GNA12: variants seen among roughly 807,000 people sequenced by gnomAD.
GNA12 encodes guanine nucleotide-binding protein subunit alpha-12.
GNA12 carries 9 observed loss-of-function variants against 26.0 expected under a neutral mutation model. The observed-to-expected ratio is 0.35, with a 90% CI of 0.21 to 0.60. The LOEUF (loss-of-function observed/expected upper bound fraction) is 0.60. GNA12 is among the 20% of genes least tolerant of loss of function. The probability of loss-of-function intolerance (pLI) is 0.78; values close to 1 mark genes in which losing one functional copy is unlikely to be tolerated. For synonymous variants in GNA12, 264 were observed against 219.6 expected (o/e 1.20, Z -1.79); for missense variants, 405 against 525.8 (o/e 0.77, Z 2.25).
In GNA12 at chr7:2,753,369, T is replaced by C. The variant is rs913020208; in HGVS notation, c.526-19868A>G. On this transcript the variant is annotated intron_variant, in intron 2 of 3. Coordinates refer to ENST00000275364, the MANE Select transcript of GNA12 (RefSeq NM_007353.3). ...TCTTGCTATGTTGTCCAGGCTGGTC[T>C]TAAACTACTGGGCTCAAGCCATCCT... 5.0e-4 allele frequency among the ~76,000 whole-genome samples: 72 copies of C among 145,236 alleles called. 1 individual carries two copies. The highest frequency in any genetic ancestry group is 2.0e-4 in the Non-Finnish European group (13 of 65,260).
At chr7:2,777,603 TTC>T (rs973529356) in intron 2 of GNA12, among the ~76,000 whole-genome samples, 1 of 152,044 alleles carries the variant, frequency 6.6e-6, no homozygotes, top group African/African-American at 2.4e-5. Flanking sequence ...ACATCAGAGC[TTC>T]TCTCTCTCTC....
intron 2 of GNA12, among the ~76,000 whole-genome samples, chr7:2,737,959 C>T (rs1490484709): frequency 2.6e-5 from 4 of 152,156 alleles, no homozygotes; most frequent in Non-Finnish European, 4.4e-5. Flanking sequence ...GCTCAGTGAA[C>T]GCCTGTGACA....
intron 2 of GNA12, among the ~76,000 whole-genome samples, chr7:2,766,292 C>T (rs1396344390): frequency 6.6e-6 from 1 of 151,808 alleles, no homozygotes; most frequent in Non-Finnish European, 1.5e-5. Context: ...TAGCTGCAGT[C>T]TTTCCTTTTT....
At chr7:2,749,688 C>G (rs1210129209) in intron 2 of GNA12, among the ~76,000 whole-genome samples, 1 of 151,840 alleles carries the variant, frequency 6.6e-6, no homozygotes, top group Non-Finnish European at 1.5e-5. Context: ...AAAAGAAAAT[C>G]TTATCAGATA....
rs1790904867 is a variant in GNA12, at chr7:2,749,133, C to A, written c.526-15632G>T. Among the ~76,000 whole-genome samples the A allele has an allele frequency of 2.0e-5, 3 of 152,142 alleles. No individual in the cohort carries two copies. The South Asian group carries it at 6.2e-4, about 32-fold the overall frequency. ...CCTCAGGGATCTAGAACTAGAAATACCATTGGACCCAGCCATCCCATTACT... is the reference window on the plus strand; with the variant it reads ...CCTCAGGGATCTAGAACTAGAAATAACATTGGACCCAGCCATCCCATTACT... On this transcript the variant is annotated intron_variant, in intron 2 of 3. Transcript: ENST00000275364.
chr7:2,786,047 A>AG (rs1792351838), intron 2 of GNA12, among the ~76,000 whole-genome samples: 1 of 152,258 alleles, frequency 6.6e-6, no homozygotes, highest in Non-Finnish European at 1.5e-5. Flanking sequence ...AGCCTGGGTG[A>AG]CACAGCGAGA....
intron 2 of GNA12, among the ~76,000 whole-genome samples, chr7:2,785,998 T>C (rs763616250): frequency 2.6e-5 from 4 of 151,908 alleles, no homozygotes; most frequent in Non-Finnish European, 5.9e-5. Context: ...ACCCAGGAGG[T>C]GAAGGTTGCA....
chr7:2,790,968 T>G (rs1487951029), intron 2 of GNA12, among the ~76,000 whole-genome samples: 1 of 141,036 alleles, frequency 7.1e-6, no homozygotes, highest in Admixed American at 7.3e-5. Flanking sequence ...AGCAAGATTG[T>G]CCCTTTAAAA....
At chr7:2,798,375 T>C (rs1409149200) in intron 1 of GNA12, among the ~76,000 whole-genome samples, 3 of 152,216 alleles carry the variant, frequency 2.0e-5, no homozygotes, top group African/African-American at 7.2e-5. Context: ...TCAATTGTCT[T>C]TCTATATACT....
chr7:2,743,335 C>A (rs1354574345), intron 2 of GNA12, among the ~76,000 whole-genome samples: 1 of 152,132 alleles, frequency 6.6e-6, no homozygotes, highest in Non-Finnish European at 1.5e-5. Context: ...GGATTTAAGT[C>A]TTAAAACGAC....
At chr7:2,755,896 A>C (rs139264023) in intron 2 of GNA12, among the ~76,000 whole-genome samples, 33 of 152,352 alleles carry the variant, frequency 2.2e-4, no homozygotes, top group Middle Eastern at 3.4e-3. Context: ...TATGCTCCCC[A>C]AATTGATCTA....
intron 2 of GNA12, among the ~76,000 whole-genome samples, chr7:2,738,121 C>T (rs1201572901): frequency 6.6e-6 from 1 of 152,050 alleles, no homozygotes; most frequent in Non-Finnish European, 1.5e-5. Context: ...AATTTATCAT[C>T]CCCAAATATT....
intron 2 of GNA12, among the ~76,000 whole-genome samples, chr7:2,770,572 C>T (rs1051373061): frequency 1.3e-5 from 2 of 152,050 alleles, no homozygotes; most frequent in Admixed American, 1.3e-4. Context: ...CAGTGAGCTA[C>T]GATAAGCGTG....
At chr7:2,816,533 G>A (rs562001254) in intron 1 of GNA12, among the ~76,000 whole-genome samples, 2 of 152,262 alleles carry the variant, frequency 1.3e-5, no homozygotes, top group South Asian at 4.1e-4. Context: ...TCCCAGCCTA[G>A]CAAATCCATT....
In GNA12 at chr7:2,731,646, A is replaced by G; in HGVS notation, c.681T>C (p.Asp227=). ...GGCGCTGGGACCGCTGGCCGCCCAC[A>G]TCCACCATCTTAAAGGGGATCTTCT... ...VIKKIPFKMV[D]VGGQRSQRQK... Residue 227 remains aspartate, a synonymous_variant, in exon 4 of 4, where the codon GAT becomes GAC. Coordinates refer to ENST00000275364, the MANE Select transcript of GNA12 (RefSeq NM_007353.3). This position sits in a 1 kb window ranked among gnomAD's most constrained non-coding sequence, Gnocchi z 6.0. 1 of 1,613,736 alleles carries G rather than the reference A, an allele frequency of 6.2e-7. No homozygotes were observed. The highest frequency in any genetic ancestry group is 8.5e-7 in the Non-Finnish European group (1 of 1,179,886).
chr7:2,765,182 C>G (rs1791752385), intron 2 of GNA12: 2 of 151,022 alleles, frequency 1.3e-5, no homozygotes, highest in South Asian at 2.1e-4. Flanking sequence ...GAGTCTCGCT[C>G]TGTCGCCCAG....
At chr7:2,761,424 C>G (rs1791549880) in intron 2 of GNA12, among the ~76,000 whole-genome samples, 1 of 152,224 alleles carries the variant, frequency 6.6e-6, no homozygotes, top group African/African-American at 2.4e-5. Flanking sequence ...CGGCTGACTT[C>G]ATGGCAGAAT....
At chr7:2,832,157 G>GGACA (rs2114974143) in intron 1 of GNA12, among the ~76,000 whole-genome samples, 1 of 152,290 alleles carries the variant, frequency 6.6e-6, no homozygotes, top group African/African-American at 2.4e-5. Context: ...TCCATCTTAT[G>GGACA]GACAGTCGAA....
chr7:2,841,586 A>G (rs1778989827), intron 1 of GNA12, among the ~76,000 whole-genome samples: 1 of 152,176 alleles, frequency 6.6e-6, no homozygotes, highest in Admixed American at 6.5e-5. Context: ...AGGCTTGGAA[A>G]GAGGTAAAAT....
Sources: gnomAD v4.1 joint callset for allele counts (sites outside exome capture counted in the v4.1 genomes callset) on GRCh38, gnomAD v4.1.1 for gene constraint, Gnocchi (gnomAD v3.1) non-coding constraint, MANE v1.5 for transcripts, NCBI Gene and HGNC (gene_info 2026-07-23, HGNC 2026-07-21) for gene names.